RSPO3: variants seen among roughly 807,000 people sequenced by gnomAD.
The protein encoded by RSPO3 is R-spondin 3, also known as R-spondin-3.
Under a neutral mutation model 36.5 loss-of-function variants are expected in RSPO3, and 17 were observed. The ratio of observed to expected loss-of-function variants is 0.47; its 90% CI spans 0.32 to 0.70. The LOEUF is 0.70. Among genes scored for constraint, RSPO3 ranks in the 30% least tolerant of loss-of-function variants. The pLI, the probability that RSPO3 is intolerant of heterozygous loss-of-function variation, is 0.04. For missense variants in RSPO3, 294 were observed against 322.5 expected (o/e 0.91, Z 0.68); for synonymous variants, 108 against 107.0 (o/e 1.01, Z -0.06).
rs1407667478 is a variant in RSPO3 at position 127,199,211 on chromosome 6, A to C, written c.*3204A>C. On this transcript the variant is annotated 3_prime_UTR_variant, in exon 5 of 5. Transcript: ENST00000356698. ...TCGCAGAATATCATCCCAAATCTGC[A>C]AAATGGAATTGGCATCATCTCTTTT... Among the ~76,000 whole-genome samples the C allele has an allele frequency of 6.6e-6, 1 of 152,234 alleles. No homozygotes were observed. Among genetic ancestry groups the C allele is most frequent in the Admixed American group, 6.5e-5 (1 of 15,278 alleles).
chr6:127,175,592 A>T (rs1375101303), intron 4 of RSPO3, among the ~76,000 whole-genome samples: 1 of 151,774 alleles, frequency 6.6e-6, no homozygotes, highest in Non-Finnish European at 1.5e-5. Context: ...TCTAAAAATC[A>T]TAGTTTGTTT....
At chr6:127,152,931 G>C (rs1404833628) in intron 3 of RSPO3, among the ~76,000 whole-genome samples, 2 of 152,038 alleles carry the variant, frequency 1.3e-5, no homozygotes, top group Non-Finnish European at 2.9e-5. Context: ...AGTAGCAAGG[G>C]ACATTCCCTT....
At chr6:127,127,501 AAT>A (rs1382460735) in intron 1 of RSPO3, among the ~76,000 whole-genome samples, 2 of 152,152 alleles carry the variant, frequency 1.3e-5, no homozygotes, top group African/African-American at 4.8e-5. Context: ...GTATTATGAT[AAT>A]AGTTATTACT....
intron 4 of RSPO3, among the ~76,000 whole-genome samples, chr6:127,163,007 A>G (rs1774740809): frequency 1.3e-5 from 2 of 152,258 alleles, no homozygotes; most frequent in African/African-American, 2.4e-5. Context: ...ATGCTGAGTT[A>G]ACCGGCCCTT....
chr6:127,192,323 T>TAACA, intron 4 of RSPO3, among the ~76,000 whole-genome samples: 1 of 152,192 alleles, frequency 6.6e-6, no homozygotes, highest in Non-Finnish European at 1.5e-5. Flanking sequence ...TAGTTTTCAT[T>TAACA]TGTCCCATGA....
rs1775555239 is a variant in RSPO3, at chr6:127,198,301, A to G, written c.*2294A>G. 6.6e-6 allele frequency among the ~76,000 whole-genome samples: 1 copy of G among 152,260 alleles called. No homozygotes were observed. The highest frequency in any genetic ancestry group is 2.4e-5 in the African/African-American group (1 of 41,472). On this transcript the variant is annotated 3_prime_UTR_variant, in exon 5 of 5. Transcript: ENST00000356698. ...AATAAAAACTAACATTCATTTTCATATGTTGGATGAAATATAAATGAAGAA... is the reference window on the plus strand; with the variant it reads ...AATAAAAACTAACATTCATTTTCATGTGTTGGATGAAATATAAATGAAGAA...
chr6:127,154,107 A>G (rs1439183277), intron 3 of RSPO3, among the ~76,000 whole-genome samples: 2 of 152,164 alleles, frequency 1.3e-5, no homozygotes, highest in African/African-American at 4.8e-5. Flanking sequence ...AATGTATAAT[A>G]AATGGATTTA....
chr6:127,159,560 C>T (rs1264148028), intron 4 of RSPO3, among the ~76,000 whole-genome samples: 1 of 151,450 alleles, frequency 6.6e-6, no homozygotes, highest in Non-Finnish European at 1.5e-5. Context: ...TTTGAGTATA[C>T]TGTAGGTTGC....
chr6:127,164,169 A>G (rs763444788), intron 4 of RSPO3, among the ~76,000 whole-genome samples: 46 of 152,076 alleles, frequency 3.0e-4, no homozygotes, highest in Non-Finnish European at 5.4e-4. Context: ...CCCTACTTTG[A>G]ATCACTGTGG....
intron 2 of RSPO3, 26 bp from the exon 3 acceptor site, chr6:127,150,400 A>C: frequency 6.2e-7 from 1 of 1,601,062 alleles, no homozygotes. Flanking sequence ...TAATGCAAGC[A>C]TATTTCTTTC....
At chr6:127,120,405 A>G (rs1177531841) in intron 1 of RSPO3, among the ~76,000 whole-genome samples, 1 of 151,998 alleles carries the variant, frequency 6.6e-6, no homozygotes, top group Admixed American at 6.5e-5. Flanking sequence ...CTTCTCCTGG[A>G]GCTCGCGAGG....
chr6:127,160,318 G>C (rs1562247724), intron 4 of RSPO3, among the ~76,000 whole-genome samples: 1 of 152,260 alleles, frequency 6.6e-6, no homozygotes, highest in South Asian at 2.1e-4. Flanking sequence ...ATAGTAAACT[G>C]TACAGCTGTC....
intron 4 of RSPO3, among the ~76,000 whole-genome samples, chr6:127,156,693 G>A (rs1774602964): frequency 2.0e-5 from 3 of 152,148 alleles, no homozygotes. Flanking sequence ...ATTCACAACT[G>A]AATGGGGTAC....
chr6:127,183,107 G>A (rs913711940), intron 4 of RSPO3, among the ~76,000 whole-genome samples: 6 of 151,930 alleles, frequency 3.9e-5, no homozygotes, highest in African/African-American at 1.4e-4. Flanking sequence ...CCAGCTTTGG[G>A]CTGAGAGATG....
intron 4 of RSPO3, among the ~76,000 whole-genome samples, chr6:127,166,753 C>T (rs1356265799): frequency 6.6e-6 from 1 of 151,954 alleles, no homozygotes; most frequent in East Asian, 1.9e-4. Context: ...TCAGTTCACA[C>T]GTGGAATATA....
intron 4 of RSPO3, among the ~76,000 whole-genome samples, chr6:127,195,034 T>G (rs1428922360): frequency 1.3e-5 from 2 of 152,350 alleles, no homozygotes; most frequent in East Asian, 3.9e-4. Context: ...TTATTATTTC[T>G]GCATTTGTTA....
intron 1 of RSPO3, among the ~76,000 whole-genome samples, chr6:127,122,457 G>T (rs1162029055): frequency 6.6e-6 from 1 of 152,152 alleles, no homozygotes; most frequent in African/African-American, 2.4e-5. Flanking sequence ...ACGTGGATTA[G>T]TTGCTTGGGC....
intron 4 of RSPO3, among the ~76,000 whole-genome samples, chr6:127,161,998 C>A (rs1032365460): frequency 6.6e-6 from 1 of 152,126 alleles, no homozygotes; most frequent in Non-Finnish European, 1.5e-5. Flanking sequence ...ACCTACTGGG[C>A]AATTTTGATC....
At chr6:127,126,580 C>G (rs1403137093) in intron 1 of RSPO3, among the ~76,000 whole-genome samples, 3 of 152,042 alleles carry the variant, frequency 2.0e-5, no homozygotes, top group Non-Finnish European at 4.4e-5. Flanking sequence ...ACCTGTGGAA[C>G]TTTGCCACAG....
Sources: allele counts gnomAD v4.1 joint callset (sites outside exome capture counted in the v4.1 genomes callset), GRCh38; gene constraint gnomAD v4.1.1; transcripts MANE v1.5; gene names NCBI Gene and HGNC (gene_info 2026-07-23, HGNC 2026-07-21).